The following PMFBP1 variants were observed in gnomAD, a reference collection of about 807,000 sequenced individuals.
PMFBP1 encodes polyamine-modulated factor 1-binding protein 1.
In PMFBP1, 131 loss-of-function variants were observed where a neutral mutation model predicts 137.8. The observed-to-expected ratio is 0.95, with a 90% CI of 0.82 to 1.10. The LOEUF is 1.10. PMFBP1 is among the 50% of genes least tolerant of loss of function. The probability of loss-of-function intolerance (pLI) is 0.00; values close to 1 mark genes in which losing one functional copy is unlikely to be tolerated. For missense variants in PMFBP1, 1,199 were observed against 1,175.4 expected (o/e 1.02, Z -0.29); for synonymous variants, 490 against 450.4 (o/e 1.09, Z -1.11).
intron 2 of PMFBP1, among the ~76,000 whole-genome samples, chr16:72,165,803 T>A (rs969197369): frequency 2.0e-5 from 3 of 152,120 alleles, no homozygotes; most frequent in Admixed American, 2.0e-4. Context: ...TGTCTTTGAT[T>A]ATGAGTGAAA....
the PMFBP1 span, among the ~76,000 whole-genome samples, chr16:72,231,438 G>C: frequency 1.3e-5 from 2 of 152,154 alleles, no homozygotes; most frequent in African/African-American, 4.8e-5. Flanking sequence ...AGGTTAAAGG[G>C]AAAACAGTCT....
the PMFBP1 span, among the ~76,000 whole-genome samples, chr16:72,240,246 T>C: frequency 1.3e-5 from 2 of 152,254 alleles, no homozygotes; most frequent in Non-Finnish European, 2.9e-5. Flanking sequence ...GGTTTCTTTC[T>C]AGTAACTTAA....
At chr16:72,125,580 A>G (rs905971190) in intron 15 of PMFBP1, among the ~76,000 whole-genome samples, 175 bp from the exon 16 acceptor site, 1 of 151,902 alleles carries the variant, frequency 6.6e-6, no homozygotes, top group Non-Finnish European at 1.5e-5. Flanking sequence ...GGTTTTCTGC[A>G]CCCTGCTTTC....
chr16:72,159,492 A>G (rs1450846792), intron 3 of PMFBP1, among the ~76,000 whole-genome samples: 1 of 152,204 alleles, frequency 6.6e-6, no homozygotes, highest in African/African-American at 2.4e-5. Flanking sequence ...ATAGCACCCA[A>G]CCTAATTTGC....
At chr16:72,222,038 G>C in the PMFBP1 span, among the ~76,000 whole-genome samples, 1 of 152,176 alleles carries the variant, frequency 6.6e-6, no homozygotes, top group Non-Finnish European at 1.5e-5. Flanking sequence ...CATTTTACAA[G>C]ATGTTGAAAC....
chr16:72,169,307 T>G (rs1392906975), intron 2 of PMFBP1, among the ~76,000 whole-genome samples: 2 of 152,216 alleles, frequency 1.3e-5, no homozygotes, highest in African/African-American at 4.8e-5. Context: ...GATTCAGGAA[T>G]TCTTACATTT....
chr16:72,138,268 T>C (rs1400543147), intron 7 of PMFBP1, among the ~76,000 whole-genome samples: 2 of 152,086 alleles, frequency 1.3e-5, no homozygotes, highest in Admixed American at 1.3e-4. Flanking sequence ...AAGAGGAGCA[T>C]CTCCTCCTCC....
intron 2 of PMFBP1, among the ~76,000 whole-genome samples, chr16:72,170,667 A>G (rs2043208306): frequency 1.3e-5 from 2 of 152,134 alleles, no homozygotes; most frequent in Non-Finnish European, 2.9e-5. Flanking sequence ...CTTGGGCTCA[A>G]GTGATCCTCC....
intron 5 of PMFBP1, among the ~76,000 whole-genome samples, chr16:72,146,560 A>G (rs777261641): frequency 3.3e-5 from 5 of 152,222 alleles, no homozygotes; most frequent in African/African-American, 9.6e-5. Context: ...AGGGTATACA[A>G]TTAGGAAAAG....
At chr16:72,192,561 T>C in the PMFBP1 span, among the ~76,000 whole-genome samples, 1 of 152,054 alleles carries the variant, frequency 6.6e-6, no homozygotes, top group Non-Finnish European at 1.5e-5. Context: ...AAGGGAAGAA[T>C]AGAATAAGTA....
chr16:72,119,030 T>G, downstream of PMFBP1: 1 of 320,720 alleles, frequency 3.1e-6, no homozygotes, highest in Non-Finnish European at 5.7e-6. Context: ...GAAAACAGGA[T>G]GAACATGTTG....
At chr16:72,231,914 C>T in the PMFBP1 span, among the ~76,000 whole-genome samples, 1 of 97,900 alleles carries the variant, frequency 1.0e-5, no homozygotes, top group Non-Finnish European at 2.2e-5. Flanking sequence ...TGGGAAGACA[C>T]CCATTTGTCA....
At chr16:72,190,784 T>C in the PMFBP1 span, among the ~76,000 whole-genome samples, 1 of 152,120 alleles carries the variant, frequency 6.6e-6, no homozygotes, top group Non-Finnish European at 1.5e-5. Flanking sequence ...AATGTAATTA[T>C]TATTTCTTTC....
At chr16:72,245,849 C>T in the PMFBP1 span, among the ~76,000 whole-genome samples, 1 of 152,208 alleles carries the variant, frequency 6.6e-6, no homozygotes, top group Non-Finnish European at 1.5e-5. Context: ...GCTGATATTA[C>T]ACTTGTATTT....
At chr16:72,140,791 A>AT (rs536624422) in intron 5 of PMFBP1, among the ~76,000 whole-genome samples, 81 of 152,308 alleles carry the variant, frequency 5.3e-4, no homozygotes, top group African/African-American at 1.9e-3. Context: ...ACACTGAAAG[A>AT]TAAGTCTTCC....
At chr16:72,187,217 A>G in the PMFBP1 span, among the ~76,000 whole-genome samples, 1 of 152,234 alleles carries the variant, frequency 6.6e-6, no homozygotes, top group Non-Finnish European at 1.5e-5. Flanking sequence ...GATGCGATTT[A>G]AAATAATCAT....
At position 72,150,189 on chromosome 16, in the gene PMFBP1, A is replaced by G. The variant is rs572642098; in HGVS notation, c.636+419T>C. Among the ~76,000 whole-genome samples, 47 of 152,276 alleles carry G rather than the reference A, an allele frequency of 3.1e-4. 1 individual carries two copies. In the East Asian group the frequency reaches 5.4e-3, roughly 18 times the overall value. On this transcript the variant is annotated intron_variant, in intron 5 of 20. Transcript: ENST00000237353. ...TAGCAGAGCCCCCTGCCGGACCCCC[A>G]TGAGAACTAAGAAAAGATTGGACAT...
At chr16:72,149,227 T>C (rs1052987864) in intron 5 of PMFBP1, among the ~76,000 whole-genome samples, 3 of 152,222 alleles carry the variant, frequency 2.0e-5, no homozygotes, top group African/African-American at 7.2e-5. Context: ...TACCCATCAG[T>C]GTTTAGCACA....
At chr16:72,164,612 T>A (rs2043116224) in intron 3 of PMFBP1, 152 bp downstream of exon 3, 5 of 1,185,054 alleles carry the variant, frequency 4.2e-6, no homozygotes, top group Non-Finnish European at 6.0e-6. Context: ...TGCGTTGGGG[T>A]GTGTGTGTTT....
Sources: gnomAD v4.1 joint callset for allele counts (sites outside exome capture counted in the v4.1 genomes callset) on GRCh38, gnomAD v4.1.1 for gene constraint, MANE v1.5 for transcripts, NCBI Gene and HGNC (gene_info 2026-07-23, HGNC 2026-07-21) for gene names.